Variants in KCNB2 observed in about 807,000 individuals in gnomAD.
KCNB2 encodes delayed rectifier potassium channel protein.
Under a neutral mutation model 61.5 loss-of-function variants are expected in KCNB2, and 15 were observed. The observed-to-expected ratio is 0.24, with a 90% confidence interval of 0.16 to 0.38. KCNB2 has a LOEUF of 0.38. KCNB2 is among the 10% of genes least tolerant of loss of function. KCNB2 has a pLI of 1.00. For missense variants in KCNB2, 828 were observed against 1,125.2 expected (o/e 0.74, Z 3.78); for synonymous variants, 457 against 446.0 (o/e 1.02, Z -0.31).
chr8:72,715,210 T>C (rs1361254771), intron 2 of KCNB2, among the ~76,000 whole-genome samples: 2 of 152,030 alleles, frequency 1.3e-5, no homozygotes, highest in African/African-American at 4.8e-5. Flanking sequence ...ACAATAATAA[T>C]GGGAGACTTT....
At chr8:72,605,276 G>A (rs193022757) in intron 2 of KCNB2, among the ~76,000 whole-genome samples, 9 of 152,318 alleles carry the variant, frequency 5.9e-5, no homozygotes, top group African/African-American at 1.9e-4. Context: ...TGGGTGCCAT[G>A]GAGGCCTGCT....
chr8:72,572,623 A>G (rs1157930238), intron 2 of KCNB2, among the ~76,000 whole-genome samples: 2 of 151,884 alleles, frequency 1.3e-5, no homozygotes, highest in Admixed American at 6.6e-5. Flanking sequence ...ACACACAGGC[A>G]TATCTTGTGC....
At position 72,937,261 on chromosome 8, in the gene KCNB2, G is replaced by C. The variant is rs373737384; in HGVS notation, c.1906G>C (p.Asp636His). Reference protein sequence around the residue: ...ASHLQMKFPTDLPGTEEHQRA... With the variant: ...ASHLQMKFPTHLPGTEEHQRA... The stretch of plus-strand genomic sequence containing the variant: ...TCACTTGCAGATGAAGTTCCCAACC[G>C]ACCTCCCAGGGACAGAAGAGCACCA... The change falls in exon 3 of 3, where the codon GAC becomes CAC. Residue 636 changes from aspartate (D) to histidine (H), a missense_variant. Asp to His is a moderately conservative substitution (Grantham distance 81). Transcript: ENST00000523207. The C allele has an allele frequency of 6.2e-7, 1 of 1,613,938 alleles. No individual in the cohort carries two copies. The highest frequency in any genetic ancestry group is 1.7e-5 in the Admixed American group (1 of 60,018).
intron 2 of KCNB2, among the ~76,000 whole-genome samples, chr8:72,819,962 G>T (rs1563394481): frequency 1.3e-5 from 2 of 152,020 alleles, no homozygotes; most frequent in African/African-American, 4.8e-5. Flanking sequence ...TAGTTGGCTG[G>T]TTTTTTCCTG....
At chr8:72,571,573 A>G (rs1209045639) in intron 2 of KCNB2, among the ~76,000 whole-genome samples, 1 of 152,206 alleles carries the variant, frequency 6.6e-6, no homozygotes, top group Non-Finnish European at 1.5e-5. Flanking sequence ...TGGCAATGGG[A>G]CACAGGTTTT....
chr8:72,844,592 G>T (rs1303884675), intron 2 of KCNB2, among the ~76,000 whole-genome samples: 1 of 152,044 alleles, frequency 6.6e-6, no homozygotes, highest in Admixed American at 6.5e-5. Flanking sequence ...ATGTAGGTTT[G>T]GTCTTTTCAC....
At chr8:72,853,472 C>T (rs1393534673) in intron 2 of KCNB2, among the ~76,000 whole-genome samples, 1 of 152,208 alleles carries the variant, frequency 6.6e-6, no homozygotes. Context: ...CTGCTGAAAG[C>T]ACTCATCCAA....
chr8:72,856,911 G>C (rs1401758856), intron 2 of KCNB2, among the ~76,000 whole-genome samples: 1 of 152,146 alleles, frequency 6.6e-6, no homozygotes, highest in Non-Finnish European at 1.5e-5. Context: ...AATCAACAAA[G>C]TATCCTGCCC....
chr8:72,750,315 A>G (rs1808167388), intron 2 of KCNB2: 1 of 152,100 alleles, frequency 6.6e-6, no homozygotes, highest in African/African-American at 2.4e-5. Flanking sequence ...GTTTCCAGTC[A>G]CTTGCTGTTA....
chr8:72,595,348 CAG>C (rs112528225), intron 2 of KCNB2, among the ~76,000 whole-genome samples: 23 of 146,486 alleles, frequency 1.6e-4, no homozygotes, highest in African/African-American at 5.1e-4. Context: ...TTTTTTAAGA[CAG>C]AGTCTCACTT....
intron 2 of KCNB2, among the ~76,000 whole-genome samples, chr8:72,644,538 G>T (rs1250844490): frequency 6.6e-6 from 1 of 152,114 alleles, no homozygotes; most frequent in Non-Finnish European, 1.5e-5. Flanking sequence ...CAAAATTGGA[G>T]CTGCCTTATT....
chr8:72,913,765 C>T (rs1439465752), intron 2 of KCNB2, among the ~76,000 whole-genome samples: 3 of 152,210 alleles, frequency 2.0e-5, no homozygotes, highest in Non-Finnish European at 1.5e-5. Context: ...ATCAGATGTT[C>T]GTATCTCTTC....
intron 2 of KCNB2, among the ~76,000 whole-genome samples, chr8:72,598,145 A>C (rs1003849966): frequency 7.3e-6 from 1 of 137,624 alleles, no homozygotes; most frequent in East Asian, 2.1e-4. Context: ...GAGACACAAC[A>C]AAAAAAGAGA....
intron 2 of KCNB2, among the ~76,000 whole-genome samples, chr8:72,926,265 G>C (rs1806646717): frequency 6.6e-6 from 1 of 152,124 alleles, no homozygotes; most frequent in African/African-American, 2.4e-5. Context: ...AGGAAAAAGA[G>C]AAAGAAATGT....
chr8:72,608,068 T>G (rs994543763), intron 2 of KCNB2, among the ~76,000 whole-genome samples: 3 of 152,154 alleles, frequency 2.0e-5, no homozygotes, highest in Non-Finnish European at 4.4e-5. Context: ...GGGTTAGTGA[T>G]CTGAAAATTT....
At chr8:72,695,914 GTAT>G (rs922415825) in intron 2 of KCNB2, among the ~76,000 whole-genome samples, 2 of 152,116 alleles carry the variant, frequency 1.3e-5, no homozygotes, top group African/African-American at 4.8e-5. Flanking sequence ...TGCAAATCTG[GTAT>G]TAGTTGCACA....
In KCNB2 at chr8:72,795,429, A is replaced by G. The variant is rs531972171; in HGVS notation, c.580-140506A>G. Among the ~76,000 whole-genome samples the G allele has an allele frequency of 3.9e-5, 6 of 152,358 alleles. No individual in the cohort carries two copies. The South Asian group carries it at 1.0e-3, about 26-fold the overall frequency. ...TTTGAATATTTTCTGCCACTACTTTAAAAGTGCTACTGAAAGTTGTATAAT... is the reference window on the plus strand; with the variant it reads ...TTTGAATATTTTCTGCCACTACTTTGAAAGTGCTACTGAAAGTTGTATAAT... On this transcript the variant is annotated intron_variant, in intron 2 of 2. Coordinates refer to ENST00000523207, the MANE Select transcript of KCNB2 (RefSeq NM_004770.3).
intron 2 of KCNB2, among the ~76,000 whole-genome samples, chr8:72,650,212 TA>T (rs1018546025): frequency 2.6e-5 from 4 of 152,184 alleles, no homozygotes; most frequent in African/African-American, 9.6e-5. Context: ...TTTCTATATA[TA>T]GCTTGCGTTT....
chr8:72,723,758 G>A (rs766201913), intron 2 of KCNB2, among the ~76,000 whole-genome samples: 13 of 152,134 alleles, frequency 8.5e-5, no homozygotes, highest in Non-Finnish European at 1.9e-4. Context: ...TGTTGGACAT[G>A]CACTCTTTCA....
Sources: allele counts gnomAD v4.1 joint callset (sites outside exome capture counted in the v4.1 genomes callset), GRCh38; gene constraint gnomAD v4.1.1; transcripts MANE v1.5; gene names NCBI Gene and HGNC (gene_info 2026-07-23, HGNC 2026-07-21).